The following LTBP1 variants were observed in gnomAD, a reference collection of about 807,000 sequenced individuals.
The protein encoded by LTBP1 is latent transforming growth factor beta binding protein 1, also known as latent-transforming growth factor beta-binding protein 1.
Under a neutral mutation model 207.6 loss-of-function variants are expected in LTBP1, and 129 were observed. The observed-to-expected ratio is 0.62, with a 90% CI of 0.54 to 0.72. LTBP1 has a LOEUF of 0.72. Among genes scored for constraint, LTBP1 ranks in the 30% least tolerant of loss-of-function variants. The pLI is 0.00. For missense variants in LTBP1, 2,281 were observed against 2,217.2 expected, an observed-to-expected ratio of 1.03 and a Z score of -0.58; for synonymous variants, 963 against 833.7, an observed-to-expected ratio of 1.16 and a Z score of -2.67.
Position 33,315,232 on chromosome 2 carries a change from G to A in LTBP1, c.3693G>A (p.Gln1231=), listed in dbSNP as rs2094251033. 6.2e-7 allele frequency: 1 copy of A among 1,613,598 alleles called. No homozygotes were observed. The highest frequency in any genetic ancestry group is 1.3e-5 in the African/African-American group (1 of 74,864). The change falls in exon 24 of 34, where the codon CAG becomes CAA. Residue 1231 remains glutamine, a synonymous_variant. Coordinates refer to ENST00000404816, the MANE Select transcript of LTBP1 (RefSeq NM_206943.4). ...TEGSFHCVCQ[Q]GFSISADGRT... ...GTTCTTTCCATTGTGTCTGCCAGCA[G>A]GGTTTCTCAATCTCTGCAGATGGCC...
chr2:33,249,323 TCACACACACA>T (rs61249844), intron 10 of LTBP1, among the ~76,000 whole-genome samples: 3,860 of 141,408 alleles, frequency 0.027, 128 homozygotes, highest in East Asian at 0.15. Context: ...GTCTGATTTT[TCACACACACA>T]CACACACACA....
At chr2:33,299,858 G>T (rs1046326279) in intron 20 of LTBP1, among the ~76,000 whole-genome samples, 3 of 152,126 alleles carry the variant, frequency 2.0e-5, no homozygotes, top group African/African-American at 7.2e-5. Flanking sequence ...GTCAAAGCAT[G>T]TTTAAAAATC....
chr2:33,118,323 A>G (rs1281758712), intron 4 of LTBP1, among the ~76,000 whole-genome samples: 1 of 152,232 alleles, frequency 6.6e-6, no homozygotes, highest in Non-Finnish European at 1.5e-5. Context: ...GATGAAAACC[A>G]GCAAAAACTG....
At chr2:33,068,693 A>G (rs953643716) in intron 3 of LTBP1, among the ~76,000 whole-genome samples, 49 of 152,330 alleles carry the variant, frequency 3.2e-4, no homozygotes, top group African/African-American at 1.1e-3. Flanking sequence ...ACTAACTTTG[A>G]GTCCCAATTA....
chr2:33,140,350 TTCG>T (rs2082541543), intron 5 of LTBP1, among the ~76,000 whole-genome samples: 1 of 152,334 alleles, frequency 6.6e-6, no homozygotes, highest in South Asian at 2.1e-4. Flanking sequence ...TCCTTTGCCA[TTCG>T]TCATTGTTTG....
intron 3 of LTBP1, among the ~76,000 whole-genome samples, chr2:33,030,041 G>A (rs954809451): frequency 1.3e-5 from 2 of 152,082 alleles, no homozygotes; most frequent in Non-Finnish European, 2.9e-5. Context: ...CTCTCTTTCC[G>A]AGAGTTTCAG....
At chr2:33,122,572 T>G (rs2081199075) in intron 4 of LTBP1, among the ~76,000 whole-genome samples, 2 of 152,172 alleles carry the variant, frequency 1.3e-5, no homozygotes, top group Admixed American at 1.3e-4. Context: ...CTTAAGGAAT[T>G]CCTAAGTTAG....
Position 33,312,631 on chromosome 2 carries a change from A to G in LTBP1, c.3605-2513A>G, listed in dbSNP as rs147639133. 4.7e-3 allele frequency among the ~76,000 whole-genome samples: 722 copies of G among 152,154 alleles called. 4 individuals carry two copies. Among genetic ancestry groups the G allele is most frequent in the African/African-American group, 0.017 (692 of 41,460 alleles). On this transcript the variant is annotated intron_variant, in intron 23 of 33. Coordinates refer to ENST00000404816, the MANE Select transcript of LTBP1 (RefSeq NM_206943.4). ...TAAGTACAATCCAAATTGAATGCAT[A>G]TGTTTCCCTAGTTCCAAATATTCAT...
intron 24 of LTBP1, among the ~76,000 whole-genome samples, chr2:33,328,167 A>AAAT (rs1440134398): frequency 1.7e-4 from 24 of 144,930 alleles, no homozygotes; most frequent in Admixed American, 3.4e-4. Flanking sequence ...ATAAATAAAT[A>AAAT]AAATAAAAAT....
Position 33,110,740 on chromosome 2 carries a change from C to T in LTBP1, c.1022C>T (p.Ala341Val). 2 of 1,613,884 alleles carry T rather than the reference C, an allele frequency of 1.2e-6. No homozygotes were observed. Among genetic ancestry groups the T allele is most frequent in the Non-Finnish European group, 1.7e-6 (2 of 1,179,906 alleles). ...AGATATGTGCAGGATCAAGTTGCGGCACCTTTTCAGCGTGAGTATAGTCTT... is the reference window on the plus strand; with the variant it reads ...AGATATGTGCAGGATCAAGTTGCGGTACCTTTTCAGCGTGAGTATAGTCTT... ...PLRYVQDQVAAPFQLSNHTGR... is the reference protein window; with the variant it reads ...PLRYVQDQVAVPFQLSNHTGR... Residue 341 changes from alanine (A) to valine (V), a missense_variant, in exon 4 of 34, where the codon GCA becomes GTA. By Grantham distance (64) the Ala-to-Val change is moderately conservative. Transcript: ENST00000404816.
At chr2:33,231,207 G>T (rs1382816146) in intron 9 of LTBP1, among the ~76,000 whole-genome samples, 1 of 152,168 alleles carries the variant, frequency 6.6e-6, no homozygotes, top group African/African-American at 2.4e-5. Context: ...CTCCCTATGA[G>T]CCCGTTAAAG....
intron 2 of LTBP1, among the ~76,000 whole-genome samples, chr2:32,959,533 T>A (rs897085878): frequency 6.8e-6 from 1 of 146,708 alleles, no homozygotes; most frequent in African/African-American, 2.5e-5. Context: ...CTTCATTTTA[T>A]TATTGCTGTA....
intron 3 of LTBP1, among the ~76,000 whole-genome samples, chr2:33,071,322 C>T (rs2149745011): frequency 6.6e-6 from 1 of 152,318 alleles, no homozygotes; most frequent in African/African-American, 2.4e-5. Flanking sequence ...AGAATGTGGA[C>T]AAAGTAGAAG....
At chr2:33,055,076 T>G (rs1473462721) in intron 3 of LTBP1, among the ~76,000 whole-genome samples, 1 of 152,194 alleles carries the variant, frequency 6.6e-6, no homozygotes, top group East Asian at 1.9e-4. Context: ...GGGCCATGAC[T>G]AAGGCTGCAG....
At chr2:33,147,822 AGG>A (rs1346908930) in intron 5 of LTBP1, among the ~76,000 whole-genome samples, 1 of 152,212 alleles carries the variant, frequency 6.6e-6, no homozygotes, top group Non-Finnish European at 1.5e-5. Flanking sequence ...AGAATTTTTC[AGG>A]GGATGGTGAG....
rs72867850 is a variant in LTBP1, at chr2:32,993,087, G to A, written c.566-27822G>A. ...GAGAGAGCCCACAGCAGCTGGCAGC[G>A]GGGGGATGCTGGGCCTTAGGAGTGA... On this transcript the variant is annotated intron_variant, in intron 2 of 33. Coordinates refer to ENST00000404816, the MANE Select transcript of LTBP1 (RefSeq NM_206943.4). Among the ~76,000 whole-genome samples, 650 of 152,198 alleles carry A rather than the reference G, an allele frequency of 4.3e-3. 3 individuals carry two copies. Among genetic ancestry groups the A allele is most frequent in the African/African-American group, 0.015 (621 of 41,504 alleles).
intron 25 of LTBP1, among the ~76,000 whole-genome samples, chr2:33,343,670 A>G (rs1269572647): frequency 6.6e-6 from 1 of 152,176 alleles, no homozygotes; most frequent in Non-Finnish European, 1.5e-5. Flanking sequence ...CAGGAATGAT[A>G]CCTGTAAAAG....
chr2:33,047,381 C>T (rs1244915761), intron 3 of LTBP1, among the ~76,000 whole-genome samples: 1 of 152,106 alleles, frequency 6.6e-6, no homozygotes, highest in Non-Finnish European at 1.5e-5. Flanking sequence ...ACCCGGTAGT[C>T]AATTCAGGAG....
intron 7 of LTBP1, among the ~76,000 whole-genome samples, chr2:33,202,207 A>T (rs962362881): frequency 6.6e-5 from 10 of 152,174 alleles, no homozygotes; most frequent in African/African-American, 2.4e-4. Flanking sequence ...ACTTTTTTTT[A>T]AAAGAGTTTC....
Sources: gnomAD v4.1 joint callset for allele counts (sites outside exome capture counted in the v4.1 genomes callset) on GRCh38, gnomAD v4.1.1 for gene constraint, MANE v1.5 for transcripts, NCBI Gene and HGNC (gene_info 2026-07-23, HGNC 2026-07-21) for gene names.